DPH6: variants seen among roughly 807,000 people sequenced by gnomAD.
DPH6 encodes diphthine--ammonia ligase.
A neutral mutation model predicts 38.2 loss-of-function variants in DPH6; 33 were observed. That is an observed-to-expected ratio of 0.86 (90% CI 0.65 to 1.15). DPH6 has a LOEUF of 1.15. Ranked by LOEUF, DPH6 falls within the 50% of genes most tolerant of loss-of-function variation. The pLI is 0.00. For synonymous variants in DPH6, 108 were observed against 103.0 expected, an observed-to-expected ratio of 1.05 and a Z score of -0.30; for missense variants, 325 against 320.0, an observed-to-expected ratio of 1.02 and a Z score of -0.12.
intron 3 of DPH6, among the ~76,000 whole-genome samples, chr15:35,241,920 T>C (rs2051602354): frequency 6.9e-6 from 1 of 144,186 alleles, no homozygotes; most frequent in Non-Finnish European, 1.5e-5. Flanking sequence ...ATCTATGCCT[T>C]ATCAACCAAA....
At chr15:35,167,783 G>A in the DPH6 span, among the ~76,000 whole-genome samples, 21 of 152,040 alleles carry the variant, frequency 1.4e-4, no homozygotes, top group African/African-American at 2.7e-4. Flanking sequence ...CAACTTTCTC[G>A]TCCTTTCTCT....
chr15:35,234,876 G>C (rs1194787016), intron 3 of DPH6, among the ~76,000 whole-genome samples: 1 of 152,180 alleles, frequency 6.6e-6, no homozygotes, highest in Non-Finnish European at 1.5e-5. Context: ...TGGAGCTACT[G>C]GAATGTCCTA....
At chr15:35,392,126 G>A (rs1346160298) in intron 6 of DPH6, among the ~76,000 whole-genome samples, 4 of 152,212 alleles carry the variant, frequency 2.6e-5, no homozygotes, top group Admixed American at 6.5e-5. Flanking sequence ...TTCATGGTTT[G>A]TAAGAATGCC....
chr15:35,460,580 A>G (rs1359403041), intron 3 of DPH6, among the ~76,000 whole-genome samples: 2 of 152,240 alleles, frequency 1.3e-5, no homozygotes, highest in Non-Finnish European at 2.9e-5. Flanking sequence ...TATTAGAAAT[A>G]GCAGTGCATA....
intron 5 of DPH6, among the ~76,000 whole-genome samples, chr15:35,420,450 T>C (rs2053490157): frequency 6.6e-6 from 1 of 152,156 alleles, no homozygotes; most frequent in Non-Finnish European, 1.5e-5. Flanking sequence ...GATTAGGGCA[T>C]AAATAAATAA....
intron 3 of DPH6, among the ~76,000 whole-genome samples, chr15:35,499,376 T>C (rs1006158203): frequency 3.3e-5 from 5 of 152,132 alleles, no homozygotes; most frequent in Non-Finnish European, 7.4e-5. Flanking sequence ...ATCTTTTGGT[T>C]ACAAATGCAT....
the DPH6 span, among the ~76,000 whole-genome samples, chr15:35,204,187 T>C: frequency 2.0e-5 from 3 of 151,814 alleles, no homozygotes; most frequent in Admixed American, 6.6e-5. Flanking sequence ...TGCCTTAATA[T>C]GCCAAAATTT....
chr15:35,205,121 C>A, the DPH6 span, among the ~76,000 whole-genome samples: 1 of 151,860 alleles, frequency 6.6e-6, no homozygotes. Context: ...ACAAAATACA[C>A]GTCTTTTATA....
chr15:35,184,093 A>G, the DPH6 span, among the ~76,000 whole-genome samples: 1 of 152,202 alleles, frequency 6.6e-6, no homozygotes, highest in Non-Finnish European at 1.5e-5. Context: ...GGAGTTTCCA[A>G]CAAATCAGAC....
At chr15:35,277,760 A>G (rs1041947028) in intron 3 of DPH6, among the ~76,000 whole-genome samples, 1 of 152,196 alleles carries the variant, frequency 6.6e-6, no homozygotes, top group African/African-American at 2.4e-5. Flanking sequence ...TGCTGTTGCA[A>G]AGAACTTGGC....
intron 3 of DPH6, among the ~76,000 whole-genome samples, chr15:35,279,571 AC>A (rs1275434054): frequency 1.3e-5 from 2 of 151,874 alleles, no homozygotes; most frequent in African/African-American, 2.4e-5. Context: ...TTAATGCAAG[AC>A]CTGGTTTAAA....
At chr15:35,438,193 C>T (rs914074246) in intron 5 of DPH6, among the ~76,000 whole-genome samples, 2 of 152,154 alleles carry the variant, frequency 1.3e-5, no homozygotes, top group East Asian at 3.8e-4. Context: ...TCTCAGTTGA[C>T]TAAATTCTTT....
chr15:35,374,739 C>T (rs960312501), intron 7 of DPH6, among the ~76,000 whole-genome samples: 2 of 152,056 alleles, frequency 1.3e-5, no homozygotes, highest in African/African-American at 2.4e-5. Flanking sequence ...CAAGATTCAG[C>T]ATCCTGATGG....
intron 3 of DPH6, among the ~76,000 whole-genome samples, chr15:35,498,071 T>A (rs1403745954): frequency 6.6e-6 from 1 of 152,214 alleles, no homozygotes; most frequent in Non-Finnish European, 1.5e-5. Flanking sequence ...CAGACTATTA[T>A]GCACAGCACT....
At chr15:35,539,973 C>A (rs1012571475) in intron 2 of DPH6, among the ~76,000 whole-genome samples, 1 of 152,040 alleles carries the variant, frequency 6.6e-6, no homozygotes, top group Admixed American at 6.6e-5. Context: ...ACCTAAAAAC[C>A]TTTCGGCCTT....
At chr15:35,521,330 TAATG>T in intron 3 of DPH6, 1 of 1,004,192 alleles carries the variant, frequency 1.0e-6, no homozygotes, top group Non-Finnish European at 1.2e-6. Flanking sequence ...CAACCTTTTT[TAATG>T]AATGTTGAAT....
intron 3 of DPH6, among the ~76,000 whole-genome samples, chr15:35,333,338 G>A (rs1412752828): frequency 6.6e-6 from 1 of 152,004 alleles, no homozygotes; most frequent in East Asian, 1.9e-4. Flanking sequence ...TACTACAAAA[G>A]GCATAGAGTT....
chr15:35,404,705 C>T (rs770655366), intron 6 of DPH6, among the ~76,000 whole-genome samples: 5 of 152,050 alleles, frequency 3.3e-5, no homozygotes, highest in South Asian at 2.1e-4. Context: ...TTGTTTCCTT[C>T]GCTGTGCAGC....
At chr15:35,520,601 A>G (rs1166633789) in intron 3 of DPH6, 1 of 984,522 alleles carries the variant, frequency 1.0e-6, no homozygotes, top group Non-Finnish European at 1.2e-6. Context: ...ACTACCATTT[A>G]ATTTTTTTCC....
Sources: allele counts gnomAD v4.1 joint callset (sites outside exome capture counted in the v4.1 genomes callset), GRCh38; gene constraint gnomAD v4.1.1; transcripts MANE v1.5; gene names NCBI Gene and HGNC (gene_info 2026-07-23, HGNC 2026-07-21).